HIP1R: variants seen among roughly 807,000 people sequenced by gnomAD.
The protein encoded by HIP1R is huntingtin interacting protein 1 related, also known as huntingtin-interacting protein 1-related protein.
Under a neutral mutation model 144.2 loss-of-function variants are expected in HIP1R, and 135 were observed. The observed-to-expected ratio is 0.94, with a 90% confidence interval of 0.81 to 1.08. The LOEUF (loss-of-function observed/expected upper bound fraction) is 1.08. HIP1R is among the 50% of genes least tolerant of loss of function. The pLI is 0.00. For missense variants in HIP1R, 1,462 were observed against 1,432.8 expected (o/e 1.02, Z -0.33); for synonymous variants, 698 against 612.8 (o/e 1.14, Z -2.05).
intron 7 of HIP1R, among the ~76,000 whole-genome samples, chr12:122,852,318 A>G (rs2033423350): frequency 6.6e-6 from 1 of 152,200 alleles, no homozygotes; most frequent in African/African-American, 2.4e-5. Context: ...AGGATCTGAC[A>G]TGGAGAGCAG....
At position 122,854,035 on chromosome 12, in the gene HIP1R, T is replaced by C. The variant is rs116797926; in HGVS notation, c.578-8T>C. 4,369 of 1,612,886 alleles carry C rather than the reference T, an allele frequency of 2.7e-3. 102 individuals are homozygous for C. In the African/African-American group the frequency reaches 0.052, roughly 19 times the overall value. On this transcript the variant is annotated splice_region_variant and splice_polypyrimidine_tract_variant and intron_variant, in intron 7 of 31. Coordinates refer to ENST00000253083, the MANE Select transcript of HIP1R (RefSeq NM_003959.3). ...GCTCACGTTCTTCCTCCTGCCCCTT[T>C]TGCACAGTTTTCCGACAGCTCAACA...
rs377446386 is a variant in HIP1R, at chr12:122,860,221, G to C, written c.2559+11G>C. ...GTGGAGAGCGGCAGGGTGAGGGGCCGGCGGCAGCAGGGCACAGTCCACAAG... is the reference window on the plus strand; with the variant it reads ...GTGGAGAGCGGCAGGGTGAGGGGCCCGCGGCAGCAGGGCACAGTCCACAAG... On this transcript the variant is annotated intron_variant, in intron 26 of 31. Coordinates refer to ENST00000253083, the MANE Select transcript of HIP1R (RefSeq NM_003959.3). 2 of 1,547,690 alleles carry C rather than the reference G, an allele frequency of 1.3e-6. No homozygotes were observed. Among genetic ancestry groups the C allele is most frequent in the African/African-American group, 2.7e-5 (2 of 73,500 alleles).
chr12:122,850,016 T>A, intron 5 of HIP1R, 61 bp downstream of exon 5: 1 of 1,127,872 alleles, frequency 8.9e-7, no homozygotes, highest in Non-Finnish European at 1.4e-6. Context: ...ACTGTGACGT[T>A]ATGGCACATG....
intron 1 of HIP1R, among the ~76,000 whole-genome samples, chr12:122,844,543 T>C (rs771696118): frequency 2.0e-5 from 3 of 152,214 alleles, no homozygotes; most frequent in Non-Finnish European, 4.4e-5. Flanking sequence ...CATGCTCTCA[T>C]GCTGCACATT....
chr12:122,858,761 C>A, intron 20 of HIP1R, 77 bp from the exon 21 acceptor site: 1 of 1,022,596 alleles, frequency 9.8e-7, no homozygotes. Flanking sequence ...CCTGGGATAG[C>A]TGGCCACCGA....
At position 122,850,851 on chromosome 12, in the gene HIP1R, C is replaced by CG; in HGVS notation, c.458dup (p.Leu154ProfsTer6). The CG allele has an allele frequency of 6.2e-7, 1 of 1,609,004 alleles. No homozygotes were observed. The highest frequency in any genetic ancestry group is 2.3e-5 in the East Asian group (1 of 44,354). On this transcript the variant is annotated frameshift_variant, in exon 6 of 32. Transcript: ENST00000253083. LOFTEE classifies it high-confidence loss of function. ...TCTCCACAGCATCCCCAGTTTCCCG[C>CG]GGGCCTGGAGGTGACAGATGAGGTA...
intron 18 of HIP1R, chr12:122,857,886 T>A: frequency 4.7e-6 from 2 of 426,492 alleles, no homozygotes; most frequent in Non-Finnish European, 8.3e-6. Context: ...TGGAGAAATG[T>A]CTTTTAGGAC....
upstream of HIP1R, chr12:122,835,385 G>GT (rs2032848786): frequency 9.0e-7 from 1 of 1,117,268 alleles, no homozygotes; most frequent in East Asian, 4.5e-5. Flanking sequence ...AGGTGTGCGG[G>GT]GGAGGGGCGT....
chr12:122,858,592 G>A (rs961755500), intron 20 of HIP1R, among the ~76,000 whole-genome samples, 157 bp downstream of exon 20: 3 of 152,214 alleles, frequency 2.0e-5, no homozygotes, highest in Non-Finnish European at 1.5e-5. Flanking sequence ...ACCCACCCCT[G>A]CCCTGTGGAC....
intron 2 of HIP1R, 52 bp downstream of exon 2, chr12:122,848,146 G>C (rs2033265592): frequency 1.3e-6 from 2 of 1,581,622 alleles, no homozygotes; most frequent in African/African-American, 1.3e-5. Flanking sequence ...TGTGGGAGCA[G>C]CGTAGTGCTG....
chr12:122,860,515 A>G lies in HIP1R; in HGVS notation c.2652A>G (p.Thr884=). The change falls in exon 27 of 32, where the codon ACA becomes ACG. Residue 884 remains threonine (T), a synonymous_variant. Coordinates refer to ENST00000253083, the MANE Select transcript of HIP1R (RefSeq NM_003959.3). Reference sequence around the variant, plus strand: ...CCAAGGCTGTGGGCTGGGGAGCCACACAGCTGGTGTAGGTTGCCCTGGGTG... The same window carrying G: ...CCAAGGCTGTGGGCTGGGGAGCCACGCAGCTGGTGTAGGTTGCCCTGGGTG... The part of the protein sequence containing the change: ...SASKAVGWGA[T]QLVEAADKVV... 6.6e-7 allele frequency: 1 copy of G among 1,506,706 alleles called. No homozygotes were observed. Among genetic ancestry groups the G allele is most frequent in the South Asian group, 1.1e-5 (1 of 88,988 alleles). 93.3% of individuals were successfully genotyped at this position (1,506,706 alleles called of 1,614,324 possible). A position where few individuals can be genotyped will look rare whatever the true frequency, so the allele number is the denominator to read the frequency against.
chr12:122,839,759 T>C (rs1448123499), intron 1 of HIP1R, among the ~76,000 whole-genome samples: 4 of 152,214 alleles, frequency 2.6e-5, no homozygotes, highest in Admixed American at 6.5e-5. Context: ...CCTTTCAACA[T>C]GTAATTGCCA....
rs2033698130 is a variant in HIP1R, at chr12:122,859,473, C to T, written c.2343C>T (p.Ala781=). The change falls in exon 23 of 32, where the codon GCC becomes GCT. Residue 781 remains alanine, a synonymous_variant. Transcript: ENST00000253083. ...ATGTGCGGCAGGAGGAGCTGGGGGC[C>T]GTGGTCGACAAGGAGATGGCGGCCA... is the stretch of plus-strand genomic sequence containing the variant. The part of the protein sequence containing the change: ...SLDVRQEELG[A]VVDKEMAATS... 13 of 1,613,376 alleles carry T rather than the reference C, an allele frequency of 8.1e-6. No individual in the cohort carries two copies. Among genetic ancestry groups the T allele is most frequent in the South Asian group, 1.1e-5 (1 of 91,082 alleles).
chr12:122,851,339 T>TA (rs1287168839), intron 7 of HIP1R, 42 bp downstream of exon 7: 3 of 1,460,008 alleles, frequency 2.1e-6, no homozygotes, highest in Non-Finnish European at 1.8e-6. Context: ...AGTGTATTGC[T>TA]AAGTCCCCAG....
At chr12:122,846,685 A>G (rs2135643054) in intron 1 of HIP1R, among the ~76,000 whole-genome samples, 1 of 152,128 alleles carries the variant, frequency 6.6e-6, no homozygotes, top group South Asian at 2.1e-4. Context: ...CAGCCCCAGG[A>G]CACCTGCCTG....
At chr12:122,854,996 G>T (rs1380888772) in intron 9 of HIP1R, 34 bp downstream of exon 9, 28 of 1,613,396 alleles carry the variant, frequency 1.7e-5, no homozygotes, top group Non-Finnish European at 2.4e-5. Context: ...ATTGAGGCCG[G>T]TGGGGGAGAG....
intron 18 of HIP1R, chr12:122,857,807 T>G: frequency 2.3e-5 from 8 of 348,916 alleles, no homozygotes; most frequent in East Asian, 4.5e-5. Flanking sequence ...ACGGTCTTGA[T>G]TTGTGTTTCC....
chr12:122,860,490 C>G lies in HIP1R; in HGVS notation c.2627C>G (p.Ser876Cys). The G allele has an allele frequency of 5.6e-6, 9 of 1,613,254 alleles. No homozygotes were observed. Among genetic ancestry groups the G allele is most frequent in the African/African-American group, 1.3e-5 (1 of 75,042 alleles). Residue 876 changes from serine to cysteine, a missense_variant, in exon 27 of 32, where the codon TCC becomes TGC. Around this residue, in one of 2 missense-constraint regions of HIP1R, gnomAD observed 1,112 missense variants for 1,011.7 expected, o/e 1.10. Transcript: ENST00000253083. ...TGGACCGAAGGCCTCATCTCGGCCT[C>G]CAAGGCTGTGGGCTGGGGAGCCACA... ...SRWTEGLISA[S>C]KAVGWGATQL...
chr12:122,848,581 C>G lies in HIP1R; in HGVS notation c.273C>G (p.His91Gln), dbSNP rs373819206. The change falls in exon 3 of 32, where the codon CAC (histidine) becomes CAG (glutamine). Residue 91 changes from histidine (H) to glutamine (Q), a missense_variant. Transcript: ENST00000253083. ...ILSWKFCHVL[H>Q]KVLRDGHPNV... ...GCTGGAAGTTCTGCCACGTCCTCCACAAGGTCCTTCGAGACGGGCACCCCA... is the reference window on the plus strand; with the variant it reads ...GCTGGAAGTTCTGCCACGTCCTCCAGAAGGTCCTTCGAGACGGGCACCCCA... 1 of 1,612,750 alleles carries G rather than the reference C, an allele frequency of 6.2e-7. No individual in the cohort carries two copies. The highest frequency in any genetic ancestry group is 1.3e-5 in the African/African-American group (1 of 74,956).
Sources: gnomAD v4.1 joint callset for allele counts (sites outside exome capture counted in the v4.1 genomes callset) on GRCh38, gnomAD v4.1.1 for gene constraint, gnomAD v4.1.1 regional missense constraint, MANE v1.5 for transcripts, NCBI Gene and HGNC (gene_info 2026-07-23, HGNC 2026-07-21) for gene names.